The following C2CD3 variants were observed in gnomAD, a reference collection of about 807,000 sequenced individuals.
The protein encoded by C2CD3 is C2 domain containing 3 centriole elongation regulator, also known as C2 domain-containing protein 3.
A neutral mutation model predicts 234.0 loss-of-function variants in C2CD3; 148 were observed. The ratio of observed to expected loss-of-function variants is 0.63; its 90% CI spans 0.55 to 0.72. The LOEUF (loss-of-function observed/expected upper bound fraction) is 0.72, where lower values mean the gene tolerates loss of function less well. C2CD3 is among the 30% of genes least tolerant of loss of function. The pLI is 0.00. For missense variants in C2CD3, 2,577 were observed against 2,811.5 expected (o/e 0.92, Z 1.89); for synonymous variants, 1,000 against 1,035.4 (o/e 0.97, Z 0.66).
chr11:74,059,410 CAAAAAAAAAAAAA>C (rs57052333), intron 24 of C2CD3, among the ~76,000 whole-genome samples: 6 of 29,962 alleles, frequency 2.0e-4, no homozygotes, highest in African/African-American at 4.1e-4. Context: ...GACTCTGTCT[CAAAAAAAAAAAAA>C]AAAAAAAAAA....
At chr11:74,016,779 C>G (rs1951894651) in intron 32 of C2CD3, 1 of 152,246 alleles carries the variant, frequency 6.6e-6, no homozygotes, top group Non-Finnish European at 1.5e-5. Flanking sequence ...CTCTGAAATA[C>G]TCCTACACTT....
rs770247152 is a variant in C2CD3 at position 74,074,561 on chromosome 11, G to A, written c.4643C>T (p.Ser1548Leu). 5.6e-6 allele frequency: 9 copies of A among 1,614,004 alleles called. No individual in the cohort carries two copies. The African/African-American group carries it at 9.3e-5, about 17-fold the overall frequency. The change falls in exon 24 of 33, where the codon TCA becomes TTA. Residue 1548 changes from serine (S) to leucine (L), a missense_variant. Physicochemically the swap from Ser to Leu is moderately radical, Grantham distance 145 (BLOSUM62 -2). Transcript: ENST00000334126. ...PLFGRNASNLSGAALRVHVVL... is the reference protein window; with the variant it reads ...PLFGRNASNLLGAALRVHVVL... ...CACATGAACTCGCAAGGCAGCTCCT[G>A]AGAGGTTGGAAGCATTTCGTCCAAA...
chr11:74,054,240 C>G (rs1175264290), intron 26 of C2CD3, among the ~76,000 whole-genome samples: 2 of 148,984 alleles, frequency 1.3e-5, no homozygotes, highest in Non-Finnish European at 1.5e-5. Flanking sequence ...CCACTGCCCT[C>G]CAGCCTGGGC....
intron 1 of C2CD3, among the ~76,000 whole-genome samples, chr11:74,169,816 C>T (rs1857044369): frequency 6.6e-6 from 1 of 152,194 alleles, no homozygotes; most frequent in Non-Finnish European, 1.5e-5. Flanking sequence ...TATCTCAAAA[C>T]TGCCTTAGTA....
intron 29 of C2CD3, among the ~76,000 whole-genome samples, chr11:74,040,935 C>A (rs1374593956): frequency 6.6e-6 from 1 of 150,768 alleles, no homozygotes; most frequent in Non-Finnish European, 1.5e-5. Flanking sequence ...CGCACACACA[C>A]ACACCCCTTT....
At chr11:74,115,187 G>A (rs1956881496) in intron 9 of C2CD3, among the ~76,000 whole-genome samples, 1 of 150,258 alleles carries the variant, frequency 6.7e-6, no homozygotes, top group South Asian at 2.1e-4. Context: ...ATACTATATA[G>A]ATATATACAC....
chr11:74,085,161 A>G (rs1270033570), intron 21 of C2CD3, among the ~76,000 whole-genome samples, 191 bp from the exon 22 acceptor site: 4 of 137,944 alleles, frequency 2.9e-5, no homozygotes, highest in African/African-American at 5.5e-5. Flanking sequence ...TTTTTTTGGC[A>G]GGGTCTCACT....
At chr11:74,141,245 T>C (rs141580390) in intron 3 of C2CD3, among the ~76,000 whole-genome samples, 1 of 152,336 alleles carries the variant, frequency 6.6e-6, no homozygotes, top group East Asian at 1.9e-4. Flanking sequence ...TTGATGAGAA[T>C]TCTGTTCATG....
intron 11 of C2CD3, among the ~76,000 whole-genome samples, chr11:74,110,971 T>G (rs147313521): frequency 2.1e-3 from 324 of 152,372 alleles, no homozygotes; most frequent in African/African-American, 6.9e-3. Context: ...TCAATGCTTA[T>G]TCCACATTTC....
Position 74,100,609 on chromosome 11 carries a change from G to T in C2CD3, c.2648C>A (p.Thr883Asn). 1 of 1,614,026 alleles carries T rather than the reference G, an allele frequency of 6.2e-7. No individual in the cohort carries two copies. Among genetic ancestry groups the T allele is most frequent in the Non-Finnish European group, 8.5e-7 (1 of 1,179,926 alleles). ...RLKNNVMVIE[T>N]WNKVRSPGQD... Reference sequence around the variant, plus strand: ...TCCTGGGCTCCGCACCTTATTCCAAGTTTCAATTACCATCACATTGTTCTT... The same window carrying T: ...TCCTGGGCTCCGCACCTTATTCCAATTTTCAATTACCATCACATTGTTCTT... The change falls in exon 15 of 33, where the codon ACT becomes AAT. Residue 883 changes from threonine (T) to asparagine (N), a missense_variant. Transcript: ENST00000334126.
chr11:74,069,954 G>C (rs1954719076), intron 24 of C2CD3, among the ~76,000 whole-genome samples: 1 of 152,160 alleles, frequency 6.6e-6, no homozygotes, highest in Admixed American at 6.5e-5. Flanking sequence ...AACCCAATAA[G>C]ATAAAGACTA....
intron 2 of C2CD3, 100 bp from the exon 3 acceptor site, chr11:74,161,656 G>GAA: frequency 2.3e-5 from 15 of 650,310 alleles, no homozygotes; most frequent in South Asian, 3.2e-5. Context: ...TTTCTAACTT[G>GAA]AAAAAAAATA....
In C2CD3 at chr11:74,033,924, G is replaced by A. The variant is rs184111772; in HGVS notation, c.6236C>T (p.Thr2079Met). ...CCAAGGGCTAGTTTTGTCTGTCACCGTGGTGATCTCATTTAAGGTCCTGGG... is the reference window on the plus strand; with the variant it reads ...CCAAGGGCTAGTTTTGTCTGTCACCATGGTGATCTCATTTAAGGTCCTGGG... ...IEPRTLNEIT[T>M]VTDKTSPWSS... is the part of the protein sequence containing the mutation. Residue 2079 changes from threonine (T) to methionine (M), a missense_variant, in exon 31 of 33, where the codon ACG becomes ATG. Coordinates refer to ENST00000334126, the MANE Select transcript of C2CD3 (RefSeq NM_001286577.2). The A allele has an allele frequency of 1.8e-3, 2,775 of 1,536,250 alleles. 43 individuals are homozygous for A. The South Asian group carries it at 0.018, about 10-fold the overall frequency.
chr11:74,080,265 C>G (rs1175215415), intron 22 of C2CD3, among the ~76,000 whole-genome samples: 1 of 152,102 alleles, frequency 6.6e-6, no homozygotes, highest in African/African-American at 2.4e-5. Flanking sequence ...GGTTTTATGA[C>G]TTTTGGACAG....
rs1423029665 is a variant in C2CD3 at position 74,106,706 on chromosome 11, T to C, written c.1963-213A>G. On this transcript the variant is annotated intron_variant, in intron 12 of 32. Coordinates refer to ENST00000334126, the MANE Select transcript of C2CD3 (RefSeq NM_001286577.2). ...CTCTATAAGATTACAGAGGGTTTTA[T>C]AAGCCACAAAGTGGTGGGAAGATTA... 4.6e-5 allele frequency among the ~76,000 whole-genome samples: 7 copies of C among 152,340 alleles called. No homozygotes were observed. The South Asian group carries it at 1.0e-3, about 23-fold the overall frequency.
chr11:74,154,648 G>A (rs1342166916), intron 3 of C2CD3, among the ~76,000 whole-genome samples: 1 of 152,136 alleles, frequency 6.6e-6, no homozygotes, highest in African/African-American at 2.4e-5. Context: ...GGCTTTGCAT[G>A]CCATATGGTC....
intron 32 of C2CD3, among the ~76,000 whole-genome samples, chr11:74,020,780 T>C (rs559379398): frequency 1.3e-5 from 2 of 152,352 alleles, no homozygotes; most frequent in East Asian, 3.9e-4. Flanking sequence ...TCCTACTTTC[T>C]GGCCTGCCTA....
chr11:74,125,404 T>C (rs762156087), intron 7 of C2CD3, among the ~76,000 whole-genome samples: 76 of 152,268 alleles, frequency 5.0e-4, no homozygotes, highest in Non-Finnish European at 8.7e-4. Flanking sequence ...CGATCTGACA[T>C]AGCCTCCCAA....
At chr11:74,085,478 G>C in intron 21 of C2CD3, 140 bp downstream of exon 21, 1 of 790,308 alleles carries the variant, frequency 1.3e-6, no homozygotes, top group Non-Finnish European at 2.0e-6. Flanking sequence ...CTTATTTTTT[G>C]CTATATCTTT....
Sources: gnomAD v4.1 joint callset for allele counts (sites outside exome capture counted in the v4.1 genomes callset) on GRCh38, gnomAD v4.1.1 for gene constraint, MANE v1.5 for transcripts, NCBI Gene and HGNC (gene_info 2026-07-23, HGNC 2026-07-21) for gene names.